Variants in MGRN1 observed in about 807,000 individuals in gnomAD.
The protein encoded by MGRN1 is E3 ubiquitin-protein ligase MGRN1.
In MGRN1, 29 loss-of-function variants were observed where a neutral mutation model predicts 69.2. The observed-to-expected ratio is 0.42, with a 90% CI of 0.31 to 0.57. The LOEUF is 0.57. MGRN1 is among the 20% of genes least tolerant of loss of function. MGRN1 has a pLI of 0.15. For missense variants in MGRN1, 998 were observed against 796.2 expected, an observed-to-expected ratio of 1.25 and a Z score of -3.05; for synonymous variants, 470 against 344.2, an observed-to-expected ratio of 1.37 and a Z score of -4.04.
intron 1 of MGRN1, among the ~76,000 whole-genome samples, chr16:4,648,211 C>T (rs1480198517): frequency 6.6e-6 from 1 of 152,204 alleles, no homozygotes; most frequent in Non-Finnish European, 1.5e-5. Flanking sequence ...CAGGTCCCTG[C>T]AGCTACCCGG....
At chr16:4,670,432 G>C (rs150052018) in intron 8 of MGRN1, among the ~76,000 whole-genome samples, 2,470 of 152,298 alleles carry the variant, frequency 0.016, 32 homozygotes, top group Non-Finnish European at 0.023. Context: ...TTGTAGAGAT[G>C]AGGTTTTGCC....
Position 4,686,480 on chromosome 16 carries a change from C to G in MGRN1, c.1619-2316C>G, listed in dbSNP as rs565098518. Reference sequence around the variant, plus strand: ...CTCTCCAGTGGCTGCTGCACCTTCCCCCAGAAAGTGGCCTCCTGGGGGGTC... The same window carrying G: ...CTCTCCAGTGGCTGCTGCACCTTCCGCCAGAAAGTGGCCTCCTGGGGGGTC... On this transcript the variant is annotated intron_variant, in intron 16 of 16. Transcript: ENST00000262370. 13 of 1,388,848 alleles carry G rather than the reference C, an allele frequency of 9.4e-6. No individual in the cohort carries two copies. The East Asian group carries it at 3.0e-4, about 32-fold the overall frequency. 86.0% of individuals were successfully genotyped at this position (1,388,848 alleles called of 1,614,324 possible).
intron 10 of MGRN1, among the ~76,000 whole-genome samples, chr16:4,675,269 G>T (rs1185559246): frequency 6.6e-6 from 1 of 152,014 alleles, no homozygotes; most frequent in Non-Finnish European, 1.5e-5. Flanking sequence ...ACAGGGCCCT[G>T]CCTTGTTTTT....
At chr16:4,682,752 A>C in intron 13 of MGRN1, 71 bp from the exon 14 acceptor site, 1 of 1,431,198 alleles carries the variant, frequency 7.0e-7, no homozygotes, top group Non-Finnish European at 9.2e-7. Flanking sequence ...GGTGCCCTGC[A>C]TGGCTTTGGC....
At chr16:4,675,822 A>C (rs1416236589) in intron 10 of MGRN1, among the ~76,000 whole-genome samples, 2 of 152,280 alleles carry the variant, frequency 1.3e-5, no homozygotes, top group Middle Eastern at 3.4e-3. Flanking sequence ...TTTCTAGAGC[A>C]TTCCAGACAT....
intron 10 of MGRN1, among the ~76,000 whole-genome samples, chr16:4,675,181 C>T (rs1002937772): frequency 6.6e-6 from 1 of 151,704 alleles, no homozygotes; most frequent in African/African-American, 2.4e-5. Context: ...CATTGTTGCC[C>T]AGTCTGGTCT....
At position 4,652,798 on chromosome 16, in the gene MGRN1, G is replaced by A. The variant is rs547362054; in HGVS notation, c.417G>A (p.Ser139=). The A allele has an allele frequency of 1.4e-5, 22 of 1,610,250 alleles. No homozygotes were observed. In the East Asian group the frequency reaches 2.5e-4, roughly 18 times the overall value. The change falls in exon 4 of 17, where the codon TCG becomes TCA. Residue 139 remains serine (S), a synonymous_variant. Transcript: ENST00000262370. The part of the protein sequence containing the change: ...RVAITIYCQA[S]EEFLNGRAVY... ...CCATCACCATCTACTGCCAGGCATC[G>A]GAGGAGTTCCTGAACGGCAGGGCAG...
chr16:4,688,088 A>G, intron 16 of MGRN1: 1 of 985,530 alleles, frequency 1.0e-6, no homozygotes, highest in Non-Finnish European at 1.2e-6. Context: ...CCCCCGAAGA[A>G]AATAGACGCC....
chr16:4,638,255 A>G (rs979986861), intron 1 of MGRN1, among the ~76,000 whole-genome samples: 1 of 152,110 alleles, frequency 6.6e-6, no homozygotes, highest in Non-Finnish European at 1.5e-5. Context: ...TTACGAGGTC[A>G]GGAGTTTGAG....
intron 1 of MGRN1, among the ~76,000 whole-genome samples, chr16:4,646,280 A>G (rs922444088): frequency 2.0e-5 from 3 of 152,078 alleles, no homozygotes; most frequent in Admixed American, 6.5e-5. Context: ...AAAATAAACA[A>G]AAATGAGCCA....
At chr16:4,688,743 G>A in intron 16 of MGRN1, 53 bp from the exon 17 acceptor site, 2 of 1,505,424 alleles carry the variant, frequency 1.3e-6, no homozygotes, top group South Asian at 1.2e-5. Context: ...GGAGCGGGTG[G>A]CGTGGCACCA....
In MGRN1 at chr16:4,690,652, GCA is replaced by G. The variant is rs1209677693; in HGVS notation, c.*1747_*1748del. Reference sequence around the variant, plus strand: ...CACATGCTGTCACGCATACACACACGCACATACTCCTGCACATGTTCCCATGC... The same window carrying G: ...CACATGCTGTCACGCATACACACACGCATACTCCTGCACATGTTCCCATGC... On this transcript the variant is annotated 3_prime_UTR_variant, in exon 17 of 17. Coordinates refer to ENST00000262370, the MANE Select transcript of MGRN1 (RefSeq NM_015246.4). The G allele has an allele frequency of 2.0e-5, 3 of 152,094 alleles. No individual in the cohort carries two copies. Among genetic ancestry groups the G allele is most frequent in the Non-Finnish European group, 2.9e-5 (2 of 68,036 alleles). The allele number at this position is 152,094 out of a possible 1,614,324, so 9.4% of individuals were successfully genotyped here.
chr16:4,671,673 G>A (rs1356207685), intron 9 of MGRN1, among the ~76,000 whole-genome samples: 7 of 152,092 alleles, frequency 4.6e-5, no homozygotes, highest in Non-Finnish European at 1.0e-4. Flanking sequence ...GATGTAAATT[G>A]CCATCCAGGT....
At chr16:4,685,646 G>A (rs547058214) in intron 16 of MGRN1, among the ~76,000 whole-genome samples, 2 of 152,370 alleles carry the variant, frequency 1.3e-5, no homozygotes, top group African/African-American at 2.4e-5. Flanking sequence ...CCATCTCCGT[G>A]GCTGTCAGCC....
intron 16 of MGRN1, chr16:4,688,192 C>T (rs910913682): frequency 1.0e-6 from 1 of 985,470 alleles, no homozygotes; most frequent in African/African-American, 1.7e-5. Context: ...CCATGCTGGC[C>T]CCGTCCCAGG....
At chr16:4,684,094 G>C (rs2079252163) in intron 16 of MGRN1, among the ~76,000 whole-genome samples, 162 bp downstream of exon 16, 1 of 152,274 alleles carries the variant, frequency 6.6e-6, no homozygotes, top group African/African-American at 2.4e-5. Context: ...CCGTGAAGCA[G>C]GATGCGGGCC....
intron 9 of MGRN1, among the ~76,000 whole-genome samples, chr16:4,672,129 C>T (rs922854711): frequency 6.6e-6 from 1 of 152,202 alleles, no homozygotes; most frequent in African/African-American, 2.4e-5. Context: ...TGGTCTTGAT[C>T]TCCTGACCTT....
intron 8 of MGRN1, among the ~76,000 whole-genome samples, chr16:4,668,661 G>C (rs1008583873): frequency 7.3e-5 from 11 of 150,626 alleles, no homozygotes; most frequent in African/African-American, 2.5e-4. Context: ...CATATACTCA[G>C]TCACACACAT....
intron 1 of MGRN1, among the ~76,000 whole-genome samples, chr16:4,641,342 A>ATT (rs113461080): frequency 6.0e-5 from 9 of 149,010 alleles, no homozygotes; most frequent in African/African-American, 2.2e-4. Context: ...GAGCAATAGG[A>ATT]TTTTTTTTTT....
Sources: allele counts gnomAD v4.1 joint callset (sites outside exome capture counted in the v4.1 genomes callset), GRCh38; gene constraint gnomAD v4.1.1; transcripts MANE v1.5; gene names NCBI Gene and HGNC (gene_info 2026-07-23, HGNC 2026-07-21).